The following DOCK9 variants were observed in gnomAD, a reference collection of about 807,000 sequenced individuals.
DOCK9 encodes the protein dedicator of cytokinesis 9, also known as dedicator of cytokinesis protein 9.
A neutral mutation model predicts 263.3 loss-of-function variants in DOCK9; 89 were observed. That is an observed-to-expected ratio of 0.34 (90% CI 0.28 to 0.40). The LOEUF (loss-of-function observed/expected upper bound fraction) is 0.40. Among genes scored for constraint, DOCK9 ranks in the 10% least tolerant of loss-of-function variants. The pLI is 1.00. For missense variants in DOCK9, 2,140 were observed against 2,603.4 expected (o/e 0.82, Z 3.87); for synonymous variants, 976 against 973.1 (o/e 1.00, Z -0.06).
At chr13:98,962,504 C>G (rs747592454) in intron 1 of DOCK9, among the ~76,000 whole-genome samples, 3 of 152,156 alleles carry the variant, frequency 2.0e-5, no homozygotes, top group Non-Finnish European at 4.4e-5. Flanking sequence ...CCGAGCTGTG[C>G]AGTCATGTGA....
In DOCK9 at chr13:98,848,448, G is replaced by GT. The variant is rs2093457766; in HGVS notation, c.4061+143dup. ...ACCAAAGACACTGCCAGGCTCTGCG[G>GT]TGGCAATCCAAGGGCCTGCCATCAG... On this transcript the variant is annotated intron_variant, in intron 37 of 52. Coordinates refer to ENST00000682017, the MANE Select transcript of DOCK9 (RefSeq NM_001366683.2). The GT allele has an allele frequency of 1.7e-5, 13 of 763,466 alleles. No homozygotes were observed. The South Asian group carries it at 2.3e-4, about 14-fold the overall frequency. 47.3% of individuals were successfully genotyped at this position (763,466 alleles called of 1,614,324 possible).
At chr13:98,976,938 G>GAA (rs11307834) in intron 1 of DOCK9, among the ~76,000 whole-genome samples, 1 of 150,252 alleles carries the variant, frequency 6.7e-6, no homozygotes, top group African/African-American at 2.4e-5. Context: ...CCACGTTAAA[G>GAA]AAAAAAAAAA....
chr13:98,888,023 T>C, intron 18 of DOCK9, 135 bp downstream of exon 18: 1 of 633,502 alleles, frequency 1.6e-6, no homozygotes. Flanking sequence ...GTTTATACAT[T>C]GTAACATTAT....
chr13:98,979,015 T>C (rs1876167533), upstream of DOCK9, among the ~76,000 whole-genome samples: 1 of 151,964 alleles, frequency 6.6e-6, no homozygotes, highest in Non-Finnish European at 1.5e-5. Flanking sequence ...AAATGAACAT[T>C]AAAGGGGGGA....
intron 1 of DOCK9, among the ~76,000 whole-genome samples, chr13:99,001,652 G>C (rs1354918135): frequency 3.3e-5 from 5 of 152,210 alleles, no homozygotes; most frequent in African/African-American, 4.8e-5. Context: ...CTATGGCTGA[G>C]AGAGGAGGAC....
intron 1 of DOCK9, among the ~76,000 whole-genome samples, chr13:99,063,294 G>C (rs974892616): frequency 2.6e-5 from 4 of 152,084 alleles, no homozygotes; most frequent in African/African-American, 9.7e-5. Context: ...TGACACTGCT[G>C]GTGACAGCCC....
intron 19 of DOCK9, 50 bp downstream of exon 19, chr13:98,886,482 T>C (rs1204057636): frequency 6.5e-7 from 1 of 1,534,924 alleles, no homozygotes; most frequent in East Asian, 2.3e-5. Context: ...TACATTAAAG[T>C]TTCCCTTAAA....
chr13:99,012,997 C>T (rs1474142228), intron 1 of DOCK9, among the ~76,000 whole-genome samples: 2 of 152,208 alleles, frequency 1.3e-5, no homozygotes, highest in Non-Finnish European at 2.9e-5. Flanking sequence ...GCCATTTCAT[C>T]AGCATTCCCT....
chr13:98,915,645 A>ACC, intron 7 of DOCK9, 142 bp from the exon 8 acceptor site: 1 of 660,246 alleles, frequency 1.5e-6, no homozygotes, highest in Admixed American at 3.7e-5. Context: ...TCCTCATGAA[A>ACC]GCCCCCCCCC....
At chr13:98,989,307 A>G (rs918810027) in intron 1 of DOCK9, among the ~76,000 whole-genome samples, 1 of 141,824 alleles carries the variant, frequency 7.1e-6, no homozygotes, top group African/African-American at 2.6e-5. Context: ...GAGCTTGAAA[A>G]TTAATAATAA....
chr13:99,078,439 G>A (rs1202259349), intron 1 of DOCK9, among the ~76,000 whole-genome samples: 1 of 152,242 alleles, frequency 6.6e-6, no homozygotes, highest in Non-Finnish European at 1.5e-5. Context: ...CAGAACGGAA[G>A]AGGGTGCTTA....
chr13:99,079,471 T>C (rs1418715999), intron 1 of DOCK9, among the ~76,000 whole-genome samples: 2 of 152,232 alleles, frequency 1.3e-5, no homozygotes, highest in African/African-American at 2.4e-5. Context: ...CAGAAATATT[T>C]AGTCAAGATA....
chr13:98,949,020 C>A (rs1567061495), intron 2 of DOCK9, among the ~76,000 whole-genome samples: 2 of 152,156 alleles, frequency 1.3e-5, no homozygotes, highest in African/African-American at 4.8e-5. Flanking sequence ...TAGGGGTGAA[C>A]AAATCTCTCT....
intron 2 of DOCK9, among the ~76,000 whole-genome samples, chr13:98,942,115 C>T (rs926252222): frequency 1.6e-4 from 25 of 152,174 alleles, no homozygotes; most frequent in Admixed American, 1.6e-3. Flanking sequence ...AAAGCACCTA[C>T]CAACTCTTTC....
chr13:98,888,135 A>G (rs1465428998), intron 18 of DOCK9, 23 bp downstream of exon 18: 13 of 1,526,678 alleles, frequency 8.5e-6, no homozygotes, highest in African/African-American at 1.4e-5. Context: ...TCGTAGGTGA[A>G]CATATATTAA....
At chr13:98,979,950 C>T (rs1428471254), upstream of DOCK9, among the ~76,000 whole-genome samples, 2 of 152,224 alleles carry the variant, frequency 1.3e-5, no homozygotes, top group East Asian at 1.9e-4. Flanking sequence ...TCTAAATAGT[C>T]CAGTTCTTCC....
chr13:99,037,569 T>C (rs2142102206), intron 1 of DOCK9, among the ~76,000 whole-genome samples: 1 of 152,304 alleles, frequency 6.6e-6, no homozygotes, highest in South Asian at 2.1e-4. Context: ...GTAAAAAGTA[T>C]ACATTTACCA....
At chr13:98,879,875 A>G (rs757972299) in intron 27 of DOCK9, 23 bp downstream of exon 27, 6 of 1,583,574 alleles carry the variant, frequency 3.8e-6, no homozygotes, top group South Asian at 3.5e-5. Context: ...TAAGAACACA[A>G]GCTTCCACTT....
intron 50 of DOCK9, 84 bp downstream of exon 50, chr13:98,800,204 G>A: frequency 7.2e-7 from 1 of 1,395,306 alleles, no homozygotes; most frequent in Non-Finnish European, 9.6e-7. Flanking sequence ...CTCTCAAGTA[G>A]ACCTTGTTAG....
Sources: gnomAD v4.1 joint callset for allele counts (sites outside exome capture counted in the v4.1 genomes callset) on GRCh38, gnomAD v4.1.1 for gene constraint, MANE v1.5 for transcripts, NCBI Gene and HGNC (gene_info 2026-07-23, HGNC 2026-07-21) for gene names.